Variants in DNAI1 observed in about 807,000 individuals in gnomAD.
DNAI1 encodes the protein dynein axonemal intermediate chain 1, also known as dynein, axonemal, intermediate polypeptide 1.
A neutral mutation model predicts 92.0 loss-of-function variants in DNAI1; 67 were observed. The observed-to-expected ratio is 0.73, with a 90% CI of 0.60 to 0.89. The LOEUF (loss-of-function observed/expected upper bound fraction) is 0.89, where lower values mean the gene tolerates loss of function less well. Ranked by LOEUF, DNAI1 falls within the 40% of genes least tolerant of loss-of-function variation. The probability of loss-of-function intolerance (pLI) is 0.00; values close to 1 mark genes in which losing one functional copy is unlikely to be tolerated. For synonymous variants in DNAI1, 323 were observed against 319.6 expected (o/e 1.01, Z -0.11); for missense variants, 839 against 866.6 (o/e 0.97, Z 0.40).
intron 13 of DNAI1, among the ~76,000 whole-genome samples, chr9:34,509,901 AAAAAAAAAAAAAAAG>A (rs1825030788): frequency 6.7e-6 from 1 of 148,460 alleles, no homozygotes; most frequent in African/African-American, 2.5e-5. Flanking sequence ...CTCCGTCTCA[AAAAAAAAAAAAAAAG>A]AAAAAAAAGA....
intron 2 of DNAI1, among the ~76,000 whole-genome samples, chr9:34,484,708 G>T (rs1019371538): frequency 6.6e-6 from 1 of 152,208 alleles, no homozygotes; most frequent in Non-Finnish European, 1.5e-5. Flanking sequence ...CCTTAAGGTG[G>T]TAGTTGGGAA....
chr9:34,518,611 G>T lies in DNAI1; in HGVS notation c.2001+1144G>T, dbSNP rs546402195. Among the ~76,000 whole-genome samples the T allele has an allele frequency of 9.2e-5, 14 of 152,368 alleles. No homozygotes were observed. The South Asian group carries it at 2.9e-3, about 32-fold the overall frequency. ...GTTGGCCTCAAGGAGGAGGAAGGAG[G>T]AAGCATAATTTGTGGAATAGATAAA... On this transcript the variant is annotated intron_variant, in intron 19 of 19. Coordinates refer to ENST00000242317, the MANE Select transcript of DNAI1 (RefSeq NM_012144.4).
chr9:34,466,853 T>C lies in DNAI1; in HGVS notation c.48+7800T>C, dbSNP rs539869650. Among the ~76,000 whole-genome samples, 12 of 152,358 alleles carry C rather than the reference T, an allele frequency of 7.9e-5. No homozygotes were observed. In the South Asian group the frequency reaches 2.1e-3, roughly 26 times the overall value. On this transcript the variant is annotated intron_variant, in intron 1 of 19. Coordinates refer to ENST00000242317, the MANE Select transcript of DNAI1 (RefSeq NM_012144.4). ...TCCGCTCCCTCATAATTTTAGTCTG[T>C]TTCCAGCTTATCATAACTGTTCTGA...
chr9:34,484,962 G>C (rs1824441122), intron 2 of DNAI1, 180 bp from the exon 3 acceptor site: 2 of 620,274 alleles, frequency 3.2e-6, no homozygotes, highest in South Asian at 1.8e-5. Flanking sequence ...TCCAGGCAAT[G>C]AGAACTCTGG....
chr9:34,483,455 G>C lies in DNAI1; in HGVS notation c.56G>C (p.Ser19Thr). The change falls in exon 2 of 20, where the codon AGC becomes ACC. Residue 19 changes from serine (S) to threonine (T), a missense_variant. Physicochemically the swap from Ser to Thr is moderately conservative, Grantham distance 58. Transcript: ENST00000242317. ...TTTCTGTTCTTCATTTAGAGCATCA[G>C]CATAGGCAGAGGAACCAGGAAGAGA... ...PHKQPHKQSISIGRGTRKRDE... is the reference protein window; with the variant it reads ...PHKQPHKQSITIGRGTRKRDE... 6.2e-7 allele frequency: 1 copy of C among 1,612,130 alleles called. No individual in the cohort carries two copies. Among genetic ancestry groups the C allele is most frequent in the Non-Finnish European group, 8.5e-7 (1 of 1,179,744 alleles).
Position 34,489,363 on chromosome 9 carries a change from C to A in DNAI1, c.302C>A (p.Ala101Glu). ...YKPIGFVNQL[A>E]VHYTQVGNLI... is the part of the protein sequence containing the mutation. ...CCTATTGGCTTTGTGAACCAACTGG[C>A]AGTTCACTACACCCAGGTTGGGAAC... The change falls in exon 5 of 20, where the codon GCA becomes GAA. Residue 101 changes from alanine (A) to glutamate (E), a missense_variant. Ala to Glu is a moderately radical substitution (Grantham distance 107). Coordinates refer to ENST00000242317, the MANE Select transcript of DNAI1 (RefSeq NM_012144.4). The A allele has an allele frequency of 6.2e-7, 1 of 1,614,040 alleles. No individual in the cohort carries two copies. The highest frequency in any genetic ancestry group is 1.1e-5 in the South Asian group (1 of 91,080).
At chr9:34,482,310 A>G (rs1177812947) in intron 1 of DNAI1, among the ~76,000 whole-genome samples, 6 of 150,046 alleles carry the variant, frequency 4.0e-5, no homozygotes, top group Admixed American at 3.3e-4. Context: ...CGATTGGTGC[A>G]CTCACAAACC....
intron 13 of DNAI1, among the ~76,000 whole-genome samples, chr9:34,508,219 C>T (rs1564040075): frequency 6.6e-6 from 1 of 152,296 alleles, no homozygotes; most frequent in South Asian, 2.1e-4. Context: ...CCTCTTATGG[C>T]CCTGAGCTTC....
intron 10 of DNAI1, among the ~76,000 whole-genome samples, chr9:34,498,138 C>A (rs1327693216): frequency 6.6e-6 from 1 of 152,102 alleles, no homozygotes; most frequent in African/African-American, 2.4e-5. Flanking sequence ...CCTTACCACA[C>A]CTGACCTAGC....
intron 9 of DNAI1, among the ~76,000 whole-genome samples, chr9:34,494,421 A>G (rs975054015): frequency 6.6e-6 from 1 of 152,092 alleles, no homozygotes; most frequent in Admixed American, 6.5e-5. Flanking sequence ...GAGGTGAAAG[A>G]TGGAGCCCCT....
intron 7 of DNAI1, 33 bp downstream of exon 7, chr9:34,490,521 C>T: frequency 6.2e-7 from 1 of 1,613,436 alleles, no homozygotes; most frequent in Non-Finnish European, 8.5e-7. Context: ...CCCTTTGCAG[C>T]TCTTCACTGT....
chr9:34,493,040 G>A (rs975736525), intron 8 of DNAI1, among the ~76,000 whole-genome samples, 154 bp from the exon 9 acceptor site: 5 of 152,136 alleles, frequency 3.3e-5, no homozygotes, highest in Admixed American at 2.0e-4. Flanking sequence ...TAGTAGGGAA[G>A]ACAGGTATTG....
chr9:34,475,095 G>C (rs1824213598), intron 1 of DNAI1, among the ~76,000 whole-genome samples: 1 of 152,194 alleles, frequency 6.6e-6, no homozygotes, highest in African/African-American at 2.4e-5. Context: ...GTGTGCTTTA[G>C]ACACTGCACT....
Position 34,520,794 on chromosome 9 carries a change from A to G in DNAI1, c.*38A>G. 6.5e-7 allele frequency: 1 copy of G among 1,544,344 alleles called. No individual in the cohort carries two copies. Among genetic ancestry groups the G allele is most frequent in the Non-Finnish European group, 8.8e-7 (1 of 1,140,472 alleles). On this transcript the variant is annotated 3_prime_UTR_variant, in exon 20 of 20. Coordinates refer to ENST00000242317, the MANE Select transcript of DNAI1 (RefSeq NM_012144.4). ...AGTCTCTGTCCCATCGCTTGAATACAGTACTCCTAGGGCTTGACCCTGGTA... is the reference window on the plus strand; with the variant it reads ...AGTCTCTGTCCCATCGCTTGAATACGGTACTCCTAGGGCTTGACCCTGGTA...
chr9:34,501,734 C>G (rs112744903), intron 12 of DNAI1, among the ~76,000 whole-genome samples: 2,506 of 152,250 alleles, frequency 0.016, 62 homozygotes, highest in African/African-American at 0.055. Flanking sequence ...GGAGACCCCC[C>G]CTTCCTGCCT....
At chr9:34,497,026 T>C in intron 9 of DNAI1, 89 bp from the exon 10 acceptor site, 1 of 993,060 alleles carries the variant, frequency 1.0e-6, no homozygotes, top group Non-Finnish European at 1.6e-6. Context: ...GAGCTACTGC[T>C]GAATCAATTG....
chr9:34,503,305 G>A (rs534281239), intron 12 of DNAI1, among the ~76,000 whole-genome samples: 191 of 152,270 alleles, frequency 1.3e-3, no homozygotes, highest in African/African-American at 4.3e-3. Context: ...TGCCTCCATG[G>A]GAGAAAGAGG....
intron 12 of DNAI1, 66 bp from the exon 13 acceptor site, chr9:34,506,561 T>G: frequency 6.2e-7 from 1 of 1,608,910 alleles, no homozygotes; most frequent in South Asian, 1.1e-5. Flanking sequence ...GGGGTAGGGG[T>G]GAGGGGGCTT....
intron 5 of DNAI1, 162 bp from the exon 6 acceptor site, chr9:34,489,850 C>T (rs1824548889): frequency 1.1e-6 from 1 of 946,786 alleles, no homozygotes; most frequent in East Asian, 3.1e-5. Context: ...GACTCTGTCT[C>T]AAAAAAAAAA....
Sources: gnomAD v4.1 joint callset for allele counts (sites outside exome capture counted in the v4.1 genomes callset) on GRCh38, gnomAD v4.1.1 for gene constraint, MANE v1.5 for transcripts, NCBI Gene and HGNC (gene_info 2026-07-23, HGNC 2026-07-21) for gene names.